Variants in PCDHGA1 observed in about 807,000 individuals in gnomAD.
PCDHGA1 encodes protocadherin gamma subfamily A, 1, also known as protocadherin gamma-A1.
A neutral mutation model predicts 58.0 loss-of-function variants in PCDHGA1; 32 were observed. That is an observed-to-expected ratio of 0.55 (90% confidence interval 0.42 to 0.74). The LOEUF is 0.74. Among genes scored for constraint, PCDHGA1 ranks in the 30% least tolerant of loss-of-function variants. The pLI is 0.00. For missense variants in PCDHGA1, 1,205 were observed against 1,182.3 expected (o/e 1.02, Z -0.28); for synonymous variants, 498 against 501.1 (o/e 0.99, Z 0.08).
intron 1 of PCDHGA1, among the ~76,000 whole-genome samples, chr5:141,387,384 A>G (rs897106394): frequency 6.6e-6 from 1 of 152,208 alleles, no homozygotes; most frequent in Non-Finnish European, 1.5e-5. Flanking sequence ...CTTTATATAG[A>G]TAGTGCATGT....
chr5:141,379,652 T>C (rs905079980), intron 1 of PCDHGA1: 2 of 152,132 alleles, frequency 1.3e-5, no homozygotes, highest in Non-Finnish European at 2.9e-5. Flanking sequence ...ACTACCAACT[T>C]CTACTCTCAC....
intron 1 of PCDHGA1, among the ~76,000 whole-genome samples, chr5:141,483,725 C>T (rs903001715): frequency 1.3e-5 from 2 of 152,008 alleles, no homozygotes; most frequent in Non-Finnish European, 1.5e-5. Context: ...TGGTTCCCAC[C>T]ATAGTCAAAA....
intron 1 of PCDHGA1, chr5:141,418,384 C>A (rs774636792): frequency 1.5e-5 from 25 of 1,613,864 alleles, no homozygotes; most frequent in East Asian, 4.5e-5. Context: ...TAAGTCCTAA[C>A]GAGTATTTCT....
intron 1 of PCDHGA1, chr5:141,371,977 T>C (rs1768257593): frequency 1.2e-6 from 2 of 1,613,238 alleles, no homozygotes; most frequent in Non-Finnish European, 1.7e-6. Context: ...CTGCGTGCCT[T>C]CGAGCTCACT....
chr5:141,337,681 G>A (rs941844335), intron 1 of PCDHGA1, among the ~76,000 whole-genome samples: 1 of 152,188 alleles, frequency 6.6e-6, no homozygotes, highest in Non-Finnish European at 1.5e-5. Context: ...GGATGAAAAA[G>A]TTCTGGAAGT....
At chr5:141,472,807 G>T (rs573078292) in intron 1 of PCDHGA1, among the ~76,000 whole-genome samples, 43 of 151,782 alleles carry the variant, frequency 2.8e-4, no homozygotes, top group African/African-American at 1.0e-3. Flanking sequence ...CCAACATGGA[G>T]AAACCCCCGT....
Position 141,486,170 on chromosome 5 carries a change from C to A in PCDHGA1, c.2422-8637C>A. ...TGGGGGTTCTCCAGCCATGGAGCAACATTGCAGCCTTCGAGTGGATCTGCT... is the reference window on the plus strand; with the variant it reads ...TGGGGGTTCTCCAGCCATGGAGCAAAATTGCAGCCTTCGAGTGGATCTGCT... On this transcript the variant is annotated intron_variant, in intron 1 of 3. Coordinates refer to ENST00000517417, the MANE Select transcript of PCDHGA1 (RefSeq NM_018912.3). This position sits in a 1 kb window ranked among gnomAD's most constrained non-coding sequence, Gnocchi z 5.0. 6.2e-7 allele frequency: 1 copy of A among 1,614,234 alleles called. No homozygotes were observed. Among genetic ancestry groups the A allele is most frequent in the African/African-American group, 1.3e-5 (1 of 75,052 alleles).
rs764363553 is a variant in PCDHGA1 at position 141,432,120 on chromosome 5, A to C, written c.2422-62687A>C. The C allele has an allele frequency of 1.2e-6, 2 of 1,613,978 alleles. No homozygotes were observed. Among genetic ancestry groups the C allele is most frequent in the African/African-American group, 2.7e-5 (2 of 74,894 alleles). ...AACGACAACCCGCCGGTCTTCCCTC[A>C]GGCCTCCTATTCCGCTTATATCCCA... On this transcript the variant is annotated intron_variant, in intron 1 of 3. Transcript: ENST00000517417. The surrounding 1 kb of genome is among the most constrained non-coding windows in gnomAD (Gnocchi z 6.0).
At position 141,491,724 on chromosome 5, in the gene PCDHGA1, G is replaced by A; in HGVS notation, c.2422-3083G>A. ...AGGTGAGGGGCTCGGCGCCGCCCCGGGCGACCCCTGGGGGCGGCACTGGAG... is the reference window on the plus strand; with the variant it reads ...AGGTGAGGGGCTCGGCGCCGCCCCGAGCGACCCCTGGGGGCGGCACTGGAG... On this transcript the variant is annotated intron_variant, in intron 1 of 3. Coordinates refer to ENST00000517417, the MANE Select transcript of PCDHGA1 (RefSeq NM_018912.3). This position sits in a 1 kb window ranked among gnomAD's most constrained non-coding sequence, Gnocchi z 6.9. 1 of 1,606,454 alleles carries A rather than the reference G, an allele frequency of 6.2e-7. No individual in the cohort carries two copies. The highest frequency in any genetic ancestry group is 1.1e-5 in the South Asian group (1 of 90,304).
chr5:141,351,236 C>G, intron 1 of PCDHGA1: 2 of 1,613,964 alleles, frequency 1.2e-6, no homozygotes, highest in Middle Eastern at 1.6e-4. Context: ...ACACACAGCT[C>G]ACTGTAATGT....
At chr5:141,364,803 G>A (rs1763546634) in intron 1 of PCDHGA1, 1 of 1,614,002 alleles carries the variant, frequency 6.2e-7, no homozygotes, top group Non-Finnish European at 8.5e-7. Context: ...CCCTTCGCGC[G>A]GGATGCGGAT....
chr5:141,485,663 A>G lies in PCDHGA1; in HGVS notation c.2422-9144A>G, dbSNP rs1594506698. ...AAAGGCTCAGGATGCAGATGTGGGG[A>G]GCAATTCGATTAGCAGCTATAGGCT... On this transcript the variant is annotated intron_variant, in intron 1 of 3. Transcript: ENST00000517417. The surrounding 1 kb of genome is among the most constrained non-coding windows in gnomAD (Gnocchi z 5.7). The G allele has an allele frequency of 1.2e-6, 2 of 1,612,638 alleles. No homozygotes were observed. Among genetic ancestry groups the G allele is most frequent in the East Asian group, 4.5e-5 (2 of 44,840 alleles).
At chr5:141,398,580 A>G in intron 1 of PCDHGA1, 1 of 1,614,044 alleles carries the variant, frequency 6.2e-7, no homozygotes, top group Non-Finnish European at 8.5e-7. Context: ...CTGGCACAAG[A>G]TTTATACTAG....
At chr5:141,434,536 T>C (rs1037347477) in intron 1 of PCDHGA1, among the ~76,000 whole-genome samples, 7 of 152,186 alleles carry the variant, frequency 4.6e-5, no homozygotes, top group Non-Finnish European at 8.8e-5. Context: ...CCACAAACAA[T>C]AGCATGAGTG....
chr5:141,362,714 C>A, intron 1 of PCDHGA1: 1 of 916,366 alleles, frequency 1.1e-6, no homozygotes, highest in Non-Finnish European at 1.6e-6. Context: ...AGTGTTTTCT[C>A]TCTGAAGTGT....
chr5:141,331,474 G>A lies in PCDHGA1; in HGVS notation c.790G>A (p.Val264Ile), dbSNP rs1410806807. 8 of 1,614,150 alleles carry A rather than the reference G, an allele frequency of 5.0e-6. No individual in the cohort carries two copies. Among genetic ancestry groups the A allele is most frequent in the Non-Finnish European group, 6.8e-6 (8 of 1,180,034 alleles). ...GCCGCTGGGTACTCAGCTGCTCATGGTAAATGCCACTGACCCTGATGAGGG... is the reference window on the plus strand; with the variant it reads ...GCCGCTGGGTACTCAGCTGCTCATGATAAATGCCACTGACCCTGATGAGGG... ...NVPLGTQLLMVNATDPDEGAN... is the reference protein window; with the variant it reads ...NVPLGTQLLMINATDPDEGAN... The change falls in exon 1 of 4, where the codon GTA (valine) becomes ATA (isoleucine). Residue 264 changes from valine (V) to isoleucine (I), a missense_variant. By Grantham distance (29) the Val-to-Ile change is conservative (BLOSUM62 3). Transcript: ENST00000517417.
intron 1 of PCDHGA1, chr5:141,382,864 C>G (rs775003646): frequency 1.3e-6 from 2 of 1,516,562 alleles, no homozygotes; most frequent in Non-Finnish European, 8.8e-7. Context: ...AAGCACTTCC[C>G]GAGATCGGCG....
At chr5:141,360,360 C>T in intron 1 of PCDHGA1, 1 of 1,613,892 alleles carries the variant, frequency 6.2e-7, no homozygotes, top group Non-Finnish European at 8.5e-7. Flanking sequence ...AGGAATATTT[C>T]ACAGTAAACC....
At chr5:141,408,632 G>C (rs2154540395) in intron 1 of PCDHGA1, 3 of 1,613,952 alleles carry the variant, frequency 1.9e-6, no homozygotes, top group Non-Finnish European at 1.7e-6. Flanking sequence ...AGAAATTTTC[G>C]AATCTGCATC....
Sources: gnomAD v4.1 joint callset for allele counts (sites outside exome capture counted in the v4.1 genomes callset) on GRCh38, gnomAD v4.1.1 for gene constraint, Gnocchi (gnomAD v3.1) non-coding constraint, MANE v1.5 for transcripts, NCBI Gene and HGNC (gene_info 2026-07-23, HGNC 2026-07-21) for gene names.